Variants in IL1RAPL2 observed in about 807,000 individuals in gnomAD.
IL1RAPL2 encodes the protein interleukin 1 receptor accessory protein like 2.
A neutral mutation model predicts 44.1 loss-of-function variants in IL1RAPL2; 3 were observed. The observed-to-expected ratio is 0.07, with a 90% CI of 0.03 to 0.18. The LOEUF is 0.18. IL1RAPL2 is among the 10% of genes least tolerant of loss of function. IL1RAPL2 has a pLI of 1.00. For synonymous variants in IL1RAPL2, 181 were observed against 178.8 expected (o/e 1.01, Z -0.10); for missense variants, 391 against 496.4 (o/e 0.79, Z 2.02).
intron 4 of IL1RAPL2, among the ~76,000 whole-genome samples, chrX:105,239,362 C>G (rs2034149468): frequency 9.0e-6 from 1 of 111,658 alleles, no homozygotes; most frequent in South Asian, 3.7e-4. Flanking sequence ...TCTTTTACTC[C>G]ACACCATGGA....
chrX:104,612,538 G>A (rs975594718), intron 1 of IL1RAPL2, among the ~76,000 whole-genome samples: 2 of 111,445 alleles, frequency 1.8e-5, no homozygotes, highest in Non-Finnish European at 3.8e-5. Context: ...TGGTTTATGG[G>A]TCTGTTTTTG....
rs763244793 is a variant in IL1RAPL2 at position 105,365,301 on chromosome X, C to A, written c.697+97760C>A. ...TTAATGTGCTGTTCAGTTCAATTTGCTACTACATTGTTCAGGCTTTTTGCT... is the reference window on the plus strand; with the variant it reads ...TTAATGTGCTGTTCAGTTCAATTTGATACTACATTGTTCAGGCTTTTTGCT... On this transcript the variant is annotated intron_variant, in intron 5 of 10. Transcript: ENST00000372582. Among the ~76,000 whole-genome samples, 20 of 111,720 alleles carry A rather than the reference C, an allele frequency of 1.8e-4. No homozygotes were observed. In the South Asian group the frequency reaches 7.4e-3, roughly 42 times the overall value.
At chrX:104,607,365 C>T (rs1303451246) in intron 1 of IL1RAPL2, among the ~76,000 whole-genome samples, 1 of 111,821 alleles carries the variant, frequency 8.9e-6, no homozygotes, top group Non-Finnish European at 1.9e-5. Flanking sequence ...AAAGTAATGG[C>T]AACAAAAGCC....
chrX:105,295,599 A>G (rs1462357847), intron 5 of IL1RAPL2, among the ~76,000 whole-genome samples: 1 of 112,068 alleles, frequency 8.9e-6, no homozygotes, highest in Non-Finnish European at 1.9e-5. Context: ...TTTTTAAGTG[A>G]AATAGAAAAT....
intron 6 of IL1RAPL2, among the ~76,000 whole-genome samples, chrX:105,518,309 G>T (rs192461747): frequency 4.5e-5 from 5 of 110,954 alleles, no homozygotes; most frequent in African/African-American, 1.3e-4. Context: ...ATATCCTGGG[G>T]ATAAGAATAC....
At chrX:105,636,809 C>T (rs1329298378) in intron 6 of IL1RAPL2, among the ~76,000 whole-genome samples, 3 of 111,219 alleles carry the variant, frequency 2.7e-5, no homozygotes, top group Non-Finnish European at 5.7e-5. Context: ...GGGAAGGCTT[C>T]CCAAAGGAGG....
intron 2 of IL1RAPL2, among the ~76,000 whole-genome samples, chrX:105,072,839 C>G (rs945118340): frequency 6.5e-5 from 7 of 107,966 alleles, no homozygotes; most frequent in Non-Finnish European, 1.3e-4. Context: ...CATCTCTGAA[C>G]ACATGGAACA....
chrX:104,647,280 G>A, intron 1 of IL1RAPL2: 1 of 408,855 alleles, frequency 2.4e-6, no homozygotes, highest in East Asian at 5.7e-5. Context: ...GCAGCTTCCA[G>A]CACGCTCAGC....
At chrX:105,220,773 TGAGG>T (rs2045971345) in intron 3 of IL1RAPL2, 1 of 159,098 alleles carries the variant, frequency 6.3e-6, no homozygotes, top group Admixed American at 7.9e-5. Context: ...AGGGAGTGAG[TGAGG>T]AAGGCCCCTG....
intron 2 of IL1RAPL2, among the ~76,000 whole-genome samples, chrX:104,766,655 G>A (rs1302987394): frequency 8.9e-6 from 1 of 111,834 alleles, no homozygotes; most frequent in Non-Finnish European, 1.9e-5. Flanking sequence ...TTCTTGTGGA[G>A]GCACAGAGAC....
At chrX:104,799,462 AG>A (rs925657250) in intron 2 of IL1RAPL2, among the ~76,000 whole-genome samples, 15 of 111,076 alleles carry the variant, frequency 1.4e-4, no homozygotes, top group South Asian at 3.8e-4. Context: ...GGAGCTTGGC[AG>A]GGGGAGGAGC....
At chrX:104,633,900 T>G (rs1312325539) in intron 1 of IL1RAPL2, among the ~76,000 whole-genome samples, 1 of 111,643 alleles carries the variant, frequency 9.0e-6, no homozygotes, top group East Asian at 2.8e-4. Context: ...TGAATGTGTT[T>G]GCTCTTGCTT....
intron 4 of IL1RAPL2, among the ~76,000 whole-genome samples, chrX:105,235,066 C>G (rs1241313332): frequency 9.0e-6 from 1 of 111,083 alleles, no homozygotes; most frequent in African/African-American, 3.3e-5. Flanking sequence ...AACTCCTGCT[C>G]TCTGTTTATT....
chrX:105,158,566 C>A (rs1378809087), intron 2 of IL1RAPL2, among the ~76,000 whole-genome samples: 1 of 111,915 alleles, frequency 8.9e-6, no homozygotes, highest in Admixed American at 9.4e-5. Flanking sequence ...TACCCCACAT[C>A]CAATTCATCA....
At chrX:105,038,069 T>A (rs1443340824) in intron 2 of IL1RAPL2, among the ~76,000 whole-genome samples, 1 of 111,530 alleles carries the variant, frequency 9.0e-6, no homozygotes, top group Non-Finnish European at 1.9e-5. Flanking sequence ...GTTTTCCACC[T>A]TTTAAAAATG....
chrX:104,631,607 T>C (rs1438556016), intron 1 of IL1RAPL2, among the ~76,000 whole-genome samples: 1 of 112,406 alleles, frequency 8.9e-6, no homozygotes, highest in Non-Finnish European at 1.9e-5. Context: ...GAGCATTTTT[T>C]CATGTGTCTT....
chrX:104,987,345 T>C (rs918691205), intron 2 of IL1RAPL2, among the ~76,000 whole-genome samples: 1 of 109,636 alleles, frequency 9.1e-6, no homozygotes, highest in East Asian at 2.9e-4. Flanking sequence ...ATACCCAAGG[T>C]AATGTCAGTA....
intron 2 of IL1RAPL2, among the ~76,000 whole-genome samples, chrX:105,082,399 T>C (rs1270319452): frequency 9.0e-6 from 1 of 111,715 alleles, no homozygotes; most frequent in Non-Finnish European, 1.9e-5. Flanking sequence ...GCGGTCTATT[T>C]TGTTGATCTT....
rs2035962809 is a variant in IL1RAPL2, at chrX:105,447,098, TATATATATAAAAATATATATAAATATAA to T, written c.698-37205_698-37178del. Among the ~76,000 whole-genome samples the T allele has an allele frequency of 4.0e-4, 23 of 58,100 alleles. 1 individual carries two copies. The highest frequency in any genetic ancestry group is 2.3e-3 in the African/African-American group (21 of 9,216). 50.5% of individuals were successfully genotyped at this position (58,100 alleles called of 115,157 possible). A position where few individuals can be genotyped will look rare whatever the true frequency, so the allele number is the denominator to read the frequency against. Reference sequence around the variant, plus strand: ...AATTATATATATATATATATATATATATATATATAAAAATATATATAAATATAAATATATATATGAATATAAATATATA... The same window carrying T: ...AATTATATATATATATATATATATATATATATATATGAATATAAATATATA... On this transcript the variant is annotated intron_variant, in intron 5 of 10. Coordinates refer to ENST00000372582, the MANE Select transcript of IL1RAPL2 (RefSeq NM_017416.2).
Sources: gnomAD v4.1 joint callset for allele counts (sites outside exome capture counted in the v4.1 genomes callset) on GRCh38, gnomAD v4.1.1 for gene constraint, MANE v1.5 for transcripts, NCBI Gene and HGNC (gene_info 2026-07-23, HGNC 2026-07-21) for gene names.